Variants in ABR observed in about 807,000 individuals in gnomAD.
ABR encodes the protein ABR activator of RhoGEF and GTPase.
ABR carries 35 observed loss-of-function variants against 107.2 expected under a neutral mutation model. The ratio of observed to expected loss-of-function variants is 0.33; its 90% CI spans 0.25 to 0.43. The LOEUF (loss-of-function observed/expected upper bound fraction) is 0.43, where lower values mean the gene tolerates loss of function less well. Ranked by LOEUF, ABR falls within the 20% of genes least tolerant of loss-of-function variation. The probability of loss-of-function intolerance (pLI) is 1.00; values close to 1 mark genes in which losing one functional copy is unlikely to be tolerated. For missense variants in ABR, 815 were observed against 1,115.2 expected (o/e 0.73, Z 3.83); for synonymous variants, 498 against 462.0 (o/e 1.08, Z -1.00).
At chr17:1,226,211 A>G (rs997762195) in intron 1 of ABR, among the ~76,000 whole-genome samples, 4 of 152,316 alleles carry the variant, frequency 2.6e-5, no homozygotes, top group South Asian at 4.1e-4. Flanking sequence ...TGGCCAAGGA[A>G]GACCGCCCGG....
rs538855734 is a variant in ABR, at chr17:1,086,279, C to T, written c.532-2652G>A. 7.6e-4 allele frequency among the ~76,000 whole-genome samples: 116 copies of T among 152,292 alleles called. 1 individual carries two copies. Among genetic ancestry groups the T allele is most frequent in the African/African-American group, 2.7e-3 (114 of 41,548 alleles). On this transcript the variant is annotated intron_variant, in intron 4 of 22. Transcript: ENST00000302538. ...GCCCCAGGGGACTCAAGGGTGTTCA[C>T]CATCTCACTTTTCCTCCTCATAGTG...
intron 3 of ABR, among the ~76,000 whole-genome samples, chr17:1,093,383 C>T (rs1185012858): frequency 3.9e-5 from 6 of 152,056 alleles, no homozygotes; most frequent in African/African-American, 1.4e-4. Context: ...GCAGGAGAAT[C>T]TCTTGAACTC....
intron 16 of ABR, among the ~76,000 whole-genome samples, chr17:1,034,056 C>T (rs1313530645): frequency 3.3e-5 from 5 of 151,382 alleles, no homozygotes; most frequent in African/African-American, 7.3e-5. Context: ...CTGCAGCCTC[C>T]GCCTCCCCAG....
At chr17:1,175,756 T>C (rs35465350) in intron 1 of ABR, among the ~76,000 whole-genome samples, 7,269 of 152,230 alleles carry the variant, frequency 0.048, 250 homozygotes, top group Non-Finnish European at 0.071. Context: ...ACACTCCTCC[T>C]GTCAAAACCA....
rs142914400 is a variant in ABR, at chr17:1,067,200, G to A, written c.1059C>T (p.Ala353=). ...QYDCKWYIPL[A]DLVFPSPEES... The stretch of plus-strand genomic sequence containing the variant: ...CCTCGGGGGATGGAAACACCAGGTC[G>A]GCCAGGGGGATGTACCACTTACAGT... Residue 353 remains alanine, a synonymous_variant, in exon 10 of 23, where the codon GCC becomes GCT. Coordinates refer to ENST00000302538, the MANE Select transcript of ABR (RefSeq NM_021962.5). 355 of 1,611,596 alleles carry A rather than the reference G, an allele frequency of 2.2e-4. No homozygotes were observed. The highest frequency in any genetic ancestry group is 2.9e-4 in the Non-Finnish European group (339 of 1,178,878).
At chr17:1,034,645 T>G (rs959233945) in intron 16 of ABR, among the ~76,000 whole-genome samples, 1 of 151,792 alleles carries the variant, frequency 6.6e-6, no homozygotes, top group East Asian at 1.9e-4. Context: ...GGTCCCAGCT[T>G]TACTCTACCT....
At chr17:1,213,747 G>A (rs1002800037) in intron 1 of ABR, among the ~76,000 whole-genome samples, 2 of 151,882 alleles carry the variant, frequency 1.3e-5, no homozygotes, top group Non-Finnish European at 2.9e-5. Context: ...GAGATTGCAC[G>A]CAAACTGTGC....
intron 4 of ABR, among the ~76,000 whole-genome samples, chr17:1,088,520 TTGAG>T (rs529233683): frequency 1.8e-4 from 27 of 151,568 alleles, no homozygotes; most frequent in African/African-American, 6.5e-4. Flanking sequence ...TGACCAGTTA[TTGAG>T]TACTTATTAA....
intron 1 of ABR, among the ~76,000 whole-genome samples, chr17:1,161,458 C>T (rs891929757): frequency 6.6e-6 from 1 of 151,880 alleles, no homozygotes; most frequent in Non-Finnish European, 1.5e-5. Context: ...GTTGCCCGGA[C>T]TGGTCTTGAA....
intron 12 of ABR, among the ~76,000 whole-genome samples, chr17:1,057,683 G>C (rs949204833): frequency 6.7e-6 from 1 of 149,752 alleles, no homozygotes; most frequent in African/African-American, 2.5e-5. Context: ...GTGTGTGTGT[G>C]TCTCTGTGTG....
At chr17:1,062,864 C>G (rs955865263) in intron 10 of ABR, among the ~76,000 whole-genome samples, 1 of 144,020 alleles carries the variant, frequency 6.9e-6, no homozygotes, top group South Asian at 2.3e-4. Flanking sequence ...TATGCATGTT[C>G]CTCTAGACAC....
intron 1 of ABR, among the ~76,000 whole-genome samples, chr17:1,195,089 C>G (rs1318866332): frequency 6.9e-6 from 1 of 144,696 alleles, no homozygotes; most frequent in Non-Finnish European, 1.5e-5. Flanking sequence ...GGGCGGATCA[C>G]GAGGTCAGGA....
At chr17:1,106,830 C>T (rs900427168) in intron 2 of ABR, among the ~76,000 whole-genome samples, 1 of 152,186 alleles carries the variant, frequency 6.6e-6, no homozygotes, top group African/African-American at 2.4e-5. Flanking sequence ...GCATCTGGCC[C>T]ACCCTGCCTA....
At chr17:1,097,235 C>A (rs2037528303) in intron 3 of ABR, among the ~76,000 whole-genome samples, 1 of 152,166 alleles carries the variant, frequency 6.6e-6, no homozygotes, top group South Asian at 2.1e-4. Context: ...GAAGCCCTAA[C>A]CTGTCTCCTC....
intron 4 of ABR, among the ~76,000 whole-genome samples, chr17:1,087,967 G>T (rs2036731836): frequency 6.6e-6 from 1 of 152,226 alleles, no homozygotes; most frequent in South Asian, 2.1e-4. Context: ...CCTGGCACTG[G>T]AGTGATCTCA....
intron 2 of ABR, among the ~76,000 whole-genome samples, chr17:1,120,318 C>A (rs1271639852): frequency 1.3e-5 from 2 of 151,972 alleles, no homozygotes; most frequent in Admixed American, 6.6e-5. Flanking sequence ...CCCCTGGCTG[C>A]TGGAGTGCAA....
chr17:1,167,697 C>T (rs2151588572), intron 1 of ABR, among the ~76,000 whole-genome samples: 1 of 152,326 alleles, frequency 6.6e-6, no homozygotes, highest in African/African-American at 2.4e-5. Context: ...CAGCAGGTTG[C>T]CGGAGGCTAA....
At chr17:1,094,122 T>C (rs2037232893) in intron 3 of ABR, among the ~76,000 whole-genome samples, 1 of 152,032 alleles carries the variant, frequency 6.6e-6, no homozygotes, top group South Asian at 2.1e-4. Context: ...GGCCTCTCCT[T>C]CTGACCCTCG....
intron 10 of ABR, among the ~76,000 whole-genome samples, chr17:1,065,686 C>T (rs1183527507): frequency 1.3e-5 from 2 of 150,792 alleles, no homozygotes; most frequent in Admixed American, 6.6e-5. Flanking sequence ...TTGCAGTTCT[C>T]ATTTTGAATT....
Sources: gnomAD v4.1 joint callset for allele counts (sites outside exome capture counted in the v4.1 genomes callset) on GRCh38, gnomAD v4.1.1 for gene constraint, MANE v1.5 for transcripts, NCBI Gene and HGNC (gene_info 2026-07-23, HGNC 2026-07-21) for gene names.